TMEM165: variants seen among roughly 807,000 people sequenced by gnomAD.
TMEM165 encodes the protein putative divalent cation/proton antiporter TMEM165.
TMEM165 carries 19 observed loss-of-function variants against 30.0 expected under a neutral mutation model. The ratio of observed to expected loss-of-function variants is 0.63; its 90% CI spans 0.44 to 0.93. TMEM165 has a LOEUF of 0.93. Among genes scored for constraint, TMEM165 ranks in the 40% least tolerant of loss-of-function variants. The pLI is 0.00. For synonymous variants in TMEM165, 168 were observed against 162.9 expected (o/e 1.03, Z -0.24); for missense variants, 340 against 417.0 (o/e 0.82, Z 1.61).
chr4:55,399,981 TTATAA>T (rs1177721535), intron 1 of TMEM165, among the ~76,000 whole-genome samples: 2 of 148,826 alleles, frequency 1.3e-5, no homozygotes, highest in African/African-American at 2.5e-5. Context: ...TAATTTTGTA[TTATAA>T]TAGAATATAA....
intron 3 of TMEM165, chr4:55,432,532 A>G (rs1371163201): frequency 2.3e-5 from 3 of 131,582 alleles, no homozygotes; most frequent in Non-Finnish European, 3.2e-5. Context: ...TTTAAATGCT[A>G]TAGATTTGGG....
intron 2 of TMEM165, among the ~76,000 whole-genome samples, chr4:55,413,299 T>C (rs1272831582): frequency 6.6e-6 from 1 of 151,930 alleles, no homozygotes; most frequent in Non-Finnish European, 1.5e-5. Flanking sequence ...ATTTATTTTT[T>C]AAATTTTTAT....
At chr4:55,404,545 C>A (rs1022809798) in intron 1 of TMEM165, among the ~76,000 whole-genome samples, 14 of 152,144 alleles carry the variant, frequency 9.2e-5, no homozygotes, top group African/African-American at 3.1e-4. Flanking sequence ...CCCACCTCAG[C>A]CTCCCAAGTA....
chr4:55,420,098 G>GAAA (rs370641089), intron 4 of TMEM165, among the ~76,000 whole-genome samples: 1,418 of 43,508 alleles, frequency 0.033, 137 homozygotes, highest in South Asian at 0.26. Context: ...ACTATCTTAA[G>GAAA]AAAAAAAAAT....
At chr4:55,433,027 C>T (rs1054749429) in intron 3 of TMEM165, 4 of 152,470 alleles carry the variant, frequency 2.6e-5, no homozygotes, top group Non-Finnish European at 5.9e-5. Context: ...TATAATAGTT[C>T]TTCATATCTT....
chr4:55,421,915 GA>G (rs71194560), intron 4 of TMEM165, among the ~76,000 whole-genome samples: 138,976 of 150,274 alleles, frequency 0.92, 64,344 homozygotes, highest in South Asian at 0.99. Context: ...CCTTTAAAAA[GA>G]AAAAAAAAAA....
Position 55,425,930 on chromosome 4 carries a change from TAAAA to T in TMEM165, c.*482_*485del, listed in dbSNP as rs912032519. 6.6e-6 allele frequency: 1 copy of T among 152,228 alleles called. No individual in the cohort carries two copies. The highest frequency in any genetic ancestry group is 1.5e-5 in the Non-Finnish European group (1 of 68,114). The allele number at this position is 152,228 out of a possible 1,614,324, so 9.4% of individuals were successfully genotyped here. A position where few individuals can be genotyped will look rare whatever the true frequency, so the allele number is the denominator to read the frequency against. On this transcript the variant is annotated 3_prime_UTR_variant, in exon 6 of 6. Transcript: ENST00000381334. ...ATTGGTCTTTTCAAAACTAGGTGTT[TAAAA>T]AAAGAGACATATATGATATTGCTGT...
At position 55,448,593 on chromosome 4, in the gene TMEM165, CACGCGCGCGTGT is replaced by C. The variant is rs1381182931; in HGVS notation, c.409-3645_409-3634del. On this transcript the variant is annotated intron_variant, in intron 3 of 3. Coordinates refer to the TMEM165 transcript ENST00000608091. ...CTATAATTATATATGTGCGCGCGCG[CACGCGCGCGTGT>C]GTGTGTGTGTGTGTGTGTGTGTGTG... Among the ~76,000 whole-genome samples, 622 of 64,876 alleles carry C rather than the reference CACGCGCGCGTGT, an allele frequency of 9.6e-3. 7 individuals are homozygous for C. The highest frequency in any genetic ancestry group is 0.03 in the African/African-American group (591 of 19,494). The allele number at this position is 64,876 out of a possible 152,430, so 42.6% of individuals were successfully genotyped here.
chr4:55,447,570 T>C (rs1723970436), intron 3 of TMEM165, among the ~76,000 whole-genome samples: 1 of 152,164 alleles, frequency 6.6e-6, no homozygotes, highest in Admixed American at 6.5e-5. Flanking sequence ...CATTTGGCTT[T>C]ATTGGTGAAC....
At chr4:55,408,725 G>A (rs143780540) in intron 1 of TMEM165, among the ~76,000 whole-genome samples, 21 of 152,272 alleles carry the variant, frequency 1.4e-4, no homozygotes, top group African/African-American at 4.8e-4. Flanking sequence ...CCATGAGACT[G>A]TGTAGCTTTG....
intron 3 of TMEM165, 164 bp from the exon 4 acceptor site, chr4:55,417,639 C>T (rs763313188): frequency 2.1e-4 from 127 of 617,020 alleles, no homozygotes; most frequent in Middle Eastern, 1.3e-3. Context: ...GCATTTGTTG[C>T]TGTGTGAGAC....
At chr4:55,442,270 A>G in intron 3 of TMEM165, 1 of 682,182 alleles carries the variant, frequency 1.5e-6, no homozygotes, top group Non-Finnish European at 2.5e-6. Context: ...AAGTCTTTAA[A>G]CAATGAATAC....
chr4:55,404,446 G>A (rs920759838), intron 1 of TMEM165, among the ~76,000 whole-genome samples: 2 of 152,008 alleles, frequency 1.3e-5, no homozygotes, highest in African/African-American at 4.8e-5. Context: ...TAATTTTAAA[G>A]ATAGGGTCTT....
downstream of TMEM165, among the ~76,000 whole-genome samples, chr4:55,426,875 C>T (rs1560400177): frequency 2.0e-5 from 3 of 152,088 alleles, no homozygotes; most frequent in Non-Finnish European, 4.4e-5. Context: ...AGAAGTAGCA[C>T]ATGTTGGTAA....
intron 3 of TMEM165, among the ~76,000 whole-genome samples, chr4:55,448,118 A>C (rs1724033644): frequency 6.6e-6 from 1 of 152,184 alleles, no homozygotes. Flanking sequence ...ATCTGCTTAC[A>C]TATCAACTTA....
chr4:55,433,736 T>C (rs945747318), intron 3 of TMEM165: 2 of 152,194 alleles, frequency 1.3e-5, no homozygotes, highest in Admixed American at 1.3e-4. Context: ...ATCTGTAAAA[T>C]GTTTTTTAAA....
intron 3 of TMEM165, among the ~76,000 whole-genome samples, chr4:55,446,066 T>C (rs982307086): frequency 6.6e-5 from 10 of 151,994 alleles, no homozygotes; most frequent in South Asian, 2.1e-4. Context: ...TGAGCTCATA[T>C]TGTGGCTACC....
intron 1 of TMEM165, among the ~76,000 whole-genome samples, chr4:55,410,887 C>A (rs2109540462): frequency 6.6e-6 from 1 of 152,236 alleles, no homozygotes; most frequent in African/African-American, 2.4e-5. Context: ...AATCTCAGCA[C>A]TTTGGGAGGC....
chr4:55,440,060 A>G (rs1723232115), intron 3 of TMEM165, among the ~76,000 whole-genome samples: 1 of 152,144 alleles, frequency 6.6e-6, no homozygotes, highest in African/African-American at 2.4e-5. Flanking sequence ...CTTTTTATAA[A>G]ATTACTAGGT....
Sources: allele counts gnomAD v4.1 joint callset (sites outside exome capture counted in the v4.1 genomes callset), GRCh38; gene constraint gnomAD v4.1.1; transcripts MANE v1.5; gene names NCBI Gene and HGNC (gene_info 2026-07-23, HGNC 2026-07-21).